Variants in ZMYM4 observed in about 807,000 individuals in gnomAD.
The protein encoded by ZMYM4 is zinc finger MYM-type protein 4.
ZMYM4 carries 31 observed loss-of-function variants against 183.2 expected under a neutral mutation model. That is an observed-to-expected ratio of 0.17 (90% CI 0.13 to 0.23). The LOEUF is 0.23. ZMYM4 is among the 10% of genes least tolerant of loss of function. ZMYM4 has a pLI of 1.00. For missense variants in ZMYM4, 1,273 were observed against 1,840.3 expected (o/e 0.69, Z 5.64); for synonymous variants, 592 against 631.2 (o/e 0.94, Z 0.93).
rs534263520 is a variant in ZMYM4 at position 35,277,120 on chromosome 1, C to T, written c.39+8035C>T. On this transcript the variant is annotated intron_variant, in intron 1 of 29. Coordinates refer to ENST00000314607, the MANE Select transcript of ZMYM4 (RefSeq NM_005095.3). Reference sequence around the variant, plus strand: ...CAGTGGTTCTGAACTTTGGCTAAAACTTTAGAATTATCTGGAGAGCTTTTA... The same window carrying T: ...CAGTGGTTCTGAACTTTGGCTAAAATTTTAGAATTATCTGGAGAGCTTTTA... 3.3e-3 allele frequency among the ~76,000 whole-genome samples: 503 copies of T among 152,248 alleles called. 2 individuals are homozygous for T. The highest frequency in any genetic ancestry group is 0.012 in the African/African-American group (491 of 41,564).
At chr1:35,330,785 T>C (rs139576433) in intron 2 of ZMYM4, among the ~76,000 whole-genome samples, 48 of 152,340 alleles carry the variant, frequency 3.2e-4, no homozygotes, top group African/African-American at 9.9e-4. Flanking sequence ...ATTTGAATGC[T>C]GATTTACCTA....
chr1:35,271,102 G>A (rs1390724493), intron 1 of ZMYM4, among the ~76,000 whole-genome samples: 2 of 152,058 alleles, frequency 1.3e-5, no homozygotes, highest in Non-Finnish European at 2.9e-5. Context: ...TTGGATGAAG[G>A]CATATGGCAT....
chr1:35,405,283 A>G, intron 24 of ZMYM4, 89 bp downstream of exon 24: 1 of 1,573,248 alleles, frequency 6.4e-7, no homozygotes, highest in Non-Finnish European at 8.6e-7. Flanking sequence ...TAGGTCAAAA[A>G]CCCCATAAAA....
chr1:35,414,544 A>G (rs886965851), intron 27 of ZMYM4, among the ~76,000 whole-genome samples: 4 of 152,234 alleles, frequency 2.6e-5, no homozygotes, highest in Non-Finnish European at 5.9e-5. Flanking sequence ...TGTTATGCTT[A>G]GTAATATATG....
At chr1:35,271,216 C>T (rs1210961701) in intron 1 of ZMYM4, among the ~76,000 whole-genome samples, 2 of 152,112 alleles carry the variant, frequency 1.3e-5, no homozygotes, top group Non-Finnish European at 2.9e-5. Context: ...CATTCACCTT[C>T]TGTACTAGGA....
intron 2 of ZMYM4, among the ~76,000 whole-genome samples, chr1:35,329,422 A>AT (rs1429499786): frequency 1.3e-5 from 2 of 152,178 alleles, no homozygotes. Flanking sequence ...TAAAATAGGG[A>AT]GATTGCTTTT....
At chr1:35,270,617 C>T (rs983637877) in intron 1 of ZMYM4, among the ~76,000 whole-genome samples, 2 of 151,944 alleles carry the variant, frequency 1.3e-5, no homozygotes, top group African/African-American at 2.4e-5. Flanking sequence ...AAAATTAACC[C>T]GGCGTGGTGG....
intron 1 of ZMYM4, among the ~76,000 whole-genome samples, chr1:35,274,017 A>G (rs1639744738): frequency 1.3e-5 from 2 of 152,266 alleles, no homozygotes; most frequent in Admixed American, 6.5e-5. Flanking sequence ...TTTTATTTTG[A>G]ATTTCTGTTA....
intron 1 of ZMYM4, among the ~76,000 whole-genome samples, chr1:35,271,535 T>C (rs939156138): frequency 5.3e-5 from 8 of 152,132 alleles, no homozygotes; most frequent in Admixed American, 5.2e-4. Context: ...CCCAAGTAGC[T>C]GGGATTACAG....
intron 1 of ZMYM4, among the ~76,000 whole-genome samples, chr1:35,291,764 A>T (rs1640775315): frequency 6.6e-6 from 1 of 151,638 alleles, no homozygotes; most frequent in African/African-American, 2.4e-5. Context: ...CAGTCTCCCA[A>T]GTAACTGGGA....
At chr1:35,352,386 G>GCACACACACA (rs374281470) in intron 2 of ZMYM4, among the ~76,000 whole-genome samples, 106 of 128,468 alleles carry the variant, frequency 8.3e-4, no homozygotes, top group African/African-American at 2.8e-3. Context: ...AAAAATTAGC[G>GCACACACACA]CACACACACA....
chr1:35,294,677 C>T (rs1640920743), intron 1 of ZMYM4, among the ~76,000 whole-genome samples: 1 of 151,650 alleles, frequency 6.6e-6, no homozygotes, highest in African/African-American at 2.4e-5. Flanking sequence ...TTCCAAATGC[C>T]AATACATATC....
chr1:35,387,179 C>T lies in ZMYM4; in HGVS notation c.2013C>T (p.Ala671=), dbSNP rs747209096. 1 of 1,614,228 alleles carries T rather than the reference C, an allele frequency of 6.2e-7. No individual in the cohort carries two copies. The highest frequency in any genetic ancestry group is 1.1e-5 in the South Asian group (1 of 91,084). The part of the protein sequence containing the change: ...SAAAGLQRLA[A]QSQHVGFARS... ...CAGCTGGTCTCCAGCGTCTCGCTGC[C>T]CAGTCCCAGCATGTTGGGTTTGCAC... The change falls in exon 12 of 30, where the codon GCC becomes GCT. Residue 671 remains alanine (A), a synonymous_variant. Coordinates refer to ENST00000314607, the MANE Select transcript of ZMYM4 (RefSeq NM_005095.3).
intron 2 of ZMYM4, among the ~76,000 whole-genome samples, chr1:35,353,653 T>C (rs572915431): frequency 2.0e-4 from 30 of 152,356 alleles, no homozygotes; most frequent in African/African-American, 7.0e-4. Context: ...GTGTTCTGTT[T>C]TGTTCTCTTG....
At chr1:35,275,778 T>C (rs1464202920) in intron 1 of ZMYM4, among the ~76,000 whole-genome samples, 1 of 152,176 alleles carries the variant, frequency 6.6e-6, no homozygotes, top group Non-Finnish European at 1.5e-5. Context: ...TACTTGACCA[T>C]TTGACTTAAA....
At chr1:35,411,187 C>CTTTTTTT (rs1019150941) in intron 26 of ZMYM4, among the ~76,000 whole-genome samples, 62 of 131,360 alleles carry the variant, frequency 4.7e-4, no homozygotes, top group Non-Finnish European at 6.0e-4. Context: ...TTTCTTTTTT[C>CTTTTTTT]TTTTTTTTTT....
intron 2 of ZMYM4, among the ~76,000 whole-genome samples, chr1:35,325,811 GAATAA>G (rs1642479739): frequency 6.6e-6 from 1 of 152,026 alleles, no homozygotes; most frequent in Admixed American, 6.6e-5. Context: ...ATACAGAAAT[GAATAA>G]AATAGAAAGT....
At chr1:35,411,292 T>C (rs1639883186) in intron 26 of ZMYM4, among the ~76,000 whole-genome samples, 1 of 151,632 alleles carries the variant, frequency 6.6e-6, no homozygotes, top group Admixed American at 6.6e-5. Flanking sequence ...TAGCTGGGAT[T>C]ACAGGCGCCC....
intron 18 of ZMYM4, among the ~76,000 whole-genome samples, chr1:35,394,961 A>T (rs531666446): frequency 2.6e-5 from 4 of 152,210 alleles, no homozygotes; most frequent in Non-Finnish European, 4.4e-5. Flanking sequence ...AAAAATTTTT[A>T]AAAGTCCCAG....
Sources: gnomAD v4.1 joint callset for allele counts (sites outside exome capture counted in the v4.1 genomes callset) on GRCh38, gnomAD v4.1.1 for gene constraint, MANE v1.5 for transcripts, NCBI Gene and HGNC (gene_info 2026-07-23, HGNC 2026-07-21) for gene names.